Variants in ABI1 observed in about 807,000 individuals in gnomAD.
ABI1 encodes abl interactor 1, also known as Abelson interactor 1.
A neutral mutation model predicts 54.6 loss-of-function variants in ABI1; 14 were observed. The ratio of observed to expected loss-of-function variants is 0.26; its 90% CI spans 0.17 to 0.40. The LOEUF (loss-of-function observed/expected upper bound fraction) is 0.40, where lower values mean the gene tolerates loss of function less well. Among genes scored for constraint, ABI1 ranks in the 10% least tolerant of loss-of-function variants. The pLI is 1.00. For synonymous variants in ABI1, 194 were observed against 209.3 expected (o/e 0.93, Z 0.63); for missense variants, 443 against 598.3 (o/e 0.74, Z 2.71).
chr10:26,788,498 A>C (rs1842983010), intron 2 of ABI1, among the ~76,000 whole-genome samples: 1 of 152,232 alleles, frequency 6.6e-6, no homozygotes, highest in Non-Finnish European at 1.5e-5. Flanking sequence ...TGAAAACATG[A>C]ATGTAACACA....
At chr10:26,838,885 C>T (rs1276705708) in intron 1 of ABI1, among the ~76,000 whole-genome samples, 1 of 152,186 alleles carries the variant, frequency 6.6e-6, no homozygotes, top group African/African-American at 2.4e-5. Flanking sequence ...CACGGTCTGC[C>T]ACTATGCCAC....
At chr10:26,771,886 A>T (rs909946914) in intron 3 of ABI1, among the ~76,000 whole-genome samples, 2 of 152,306 alleles carry the variant, frequency 1.3e-5, no homozygotes, top group African/African-American at 2.4e-5. Flanking sequence ...ACACAACATG[A>T]AACAATGTGT....
At chr10:26,777,997 T>G (rs1438535396) in intron 2 of ABI1, among the ~76,000 whole-genome samples, 1 of 152,010 alleles carries the variant, frequency 6.6e-6, no homozygotes, top group Non-Finnish European at 1.5e-5. Context: ...AAAGGGTTCA[T>G]TTAATGGCTT....
chr10:26,840,670 T>C (rs1188932216), intron 1 of ABI1, among the ~76,000 whole-genome samples: 1 of 152,176 alleles, frequency 6.6e-6, no homozygotes, highest in African/African-American at 2.4e-5. Context: ...TCTACTGTAA[T>C]CAATTGAATT....
At chr10:26,840,228 T>C (rs920290348) in intron 1 of ABI1, among the ~76,000 whole-genome samples, 7 of 152,150 alleles carry the variant, frequency 4.6e-5, no homozygotes, top group African/African-American at 1.4e-4. Flanking sequence ...ATTCTTGCTC[T>C]ACTACTTCCA....
intron 2 of ABI1, among the ~76,000 whole-genome samples, chr10:26,806,745 G>A (rs1034945242): frequency 6.6e-6 from 1 of 152,110 alleles, no homozygotes; most frequent in African/African-American, 2.4e-5. Flanking sequence ...CCTTACAGGG[G>A]AAGCAGCACA....
Position 26,759,201 on chromosome 10 carries a change from T to G in ABI1, c.858A>C (p.Thr286=), listed in dbSNP as rs1444873196. 1.2e-6 allele frequency: 2 copies of G among 1,614,112 alleles called. No homozygotes were observed. The highest frequency in any genetic ancestry group is 1.7e-5 in the Admixed American group (1 of 60,002). ...PGSAPGSQYG[T]MTRQISRHNS... ...TGTGTCGAGATATCTGCCTGGTCAT[T>G]GTGCCATACTGGGAACCAGGAGCTG... The change falls in exon 8 of 11, where the codon ACA becomes ACC. Residue 286 remains threonine, a synonymous_variant. Transcript: ENST00000376140.
intron 2 of ABI1, among the ~76,000 whole-genome samples, chr10:26,797,400 G>GT (rs1844324717): frequency 6.6e-6 from 1 of 152,232 alleles, no homozygotes; most frequent in African/African-American, 2.4e-5. Flanking sequence ...CACGACTAGG[G>GT]ATAGGAAGGG....
chr10:26,781,934 TAA>T (rs1028237487), intron 2 of ABI1, among the ~76,000 whole-genome samples: 12 of 152,290 alleles, frequency 7.9e-5, no homozygotes, highest in African/African-American at 2.9e-4. Context: ...GGATACAAAG[TAA>T]AAGACTCTAT....
rs1431004880 is a variant in ABI1, at chr10:26,759,080, G to C, written c.979C>G (p.Leu327Val). The stretch of plus-strand genomic sequence containing the variant: ...AGCTTACTTGAATTTTGAGAATAAA[G>C]TGGACCTCCATTAACATGAGGCTGA... ...SAQPHVNGGP[L>V]YSQNSISIAP... Residue 327 changes from leucine to valine, a missense_variant, in exon 8 of 11, where the codon CTT (leucine) becomes GTT (valine). Leu to Val is a conservative substitution (Grantham distance 32). This residue lies in a region of ABI1 where 394 missense variants were observed against 484.8 expected (regional missense o/e 0.81). Coordinates refer to ENST00000376140, the MANE Select transcript of ABI1 (RefSeq NM_001012750.3). 4 of 1,613,472 alleles carry C rather than the reference G, an allele frequency of 2.5e-6. No homozygotes were observed. Among genetic ancestry groups the C allele is most frequent in the Middle Eastern group, 1.7e-4 (1 of 6,060 alleles).
chr10:26,752,234 T>C (rs975999579), intron 9 of ABI1, among the ~76,000 whole-genome samples: 1 of 152,210 alleles, frequency 6.6e-6, no homozygotes, highest in Non-Finnish European at 1.5e-5. Context: ...ACAGCTTTGG[T>C]TCCCTAAAAA....
intron 2 of ABI1, among the ~76,000 whole-genome samples, chr10:26,799,465 G>A (rs569902639): frequency 3.6e-4 from 55 of 152,210 alleles, no homozygotes; most frequent in African/African-American, 1.2e-3. Context: ...GCCAAGCTTC[G>A]GGGGAGGGGG....
Position 26,755,385 on chromosome 10 carries a change from T to C in ABI1, c.1084+270A>G, listed in dbSNP as rs114610606. ...TGAATTTTTGTGTTTGATTATTCTT[T>C]CCTTAAGAATATGTAAAGATCAGAT... On this transcript the variant is annotated intron_variant, in intron 9 of 10. Coordinates refer to ENST00000376140, the MANE Select transcript of ABI1 (RefSeq NM_001012750.3). Among the ~76,000 whole-genome samples, 203 of 152,314 alleles carry C rather than the reference T, an allele frequency of 1.3e-3. 1 individual carries two copies. Among genetic ancestry groups the C allele is most frequent in the African/African-American group, 4.7e-3 (196 of 41,580 alleles).
intron 2 of ABI1, among the ~76,000 whole-genome samples, chr10:26,800,052 T>C (rs796894584): frequency 4.0e-4 from 59 of 147,094 alleles, no homozygotes; most frequent in African/African-American, 1.4e-3. Flanking sequence ...AGCTTTTAAA[T>C]AGGAAACTAC....
At chr10:26,801,834 G>T (rs976143789) in intron 2 of ABI1, among the ~76,000 whole-genome samples, 52 of 152,162 alleles carry the variant, frequency 3.4e-4, no homozygotes, top group Non-Finnish European at 7.3e-5. Context: ...ATGCATGCAT[G>T]CATGCTAGAC....
intron 1 of ABI1, among the ~76,000 whole-genome samples, chr10:26,841,171 C>A (rs1028194398): frequency 6.6e-6 from 1 of 152,138 alleles, no homozygotes; most frequent in Non-Finnish European, 1.5e-5. Flanking sequence ...ACAGGAAACA[C>A]CTGCCCACTC....
At chr10:26,857,710 G>A (rs1589107468) in intron 1 of ABI1, among the ~76,000 whole-genome samples, 1 of 148,976 alleles carries the variant, frequency 6.7e-6, no homozygotes, top group South Asian at 2.1e-4. Context: ...TTAAAACCCT[G>A]TCCTTGCATA....
chr10:26,778,502 A>G (rs1429774336), intron 2 of ABI1, among the ~76,000 whole-genome samples: 4 of 152,012 alleles, frequency 2.6e-5, no homozygotes, highest in African/African-American at 4.8e-5. Flanking sequence ...GAAAAAGAAA[A>G]AAAAAAAAAA....
intron 1 of ABI1, among the ~76,000 whole-genome samples, chr10:26,850,245 A>C: frequency 6.6e-6 from 1 of 152,358 alleles, no homozygotes; most frequent in Non-Finnish European, 1.5e-5. Context: ...CTAAGGTTAC[A>C]TTTTTCATAA....
Sources: allele counts gnomAD v4.1 joint callset (sites outside exome capture counted in the v4.1 genomes callset), GRCh38; gene constraint gnomAD v4.1.1; regional missense constraint gnomAD v4.1.1; transcripts MANE v1.5; gene names NCBI Gene and HGNC (gene_info 2026-07-23, HGNC 2026-07-21).